Variants in PCDHGA2 observed in about 807,000 individuals in gnomAD.
PCDHGA2 encodes the protein protocadherin gamma subfamily A, 2, also known as protocadherin gamma-A2.
A neutral mutation model predicts 59.2 loss-of-function variants in PCDHGA2; 40 were observed. That is an observed-to-expected ratio of 0.68 (90% confidence interval 0.52 to 0.88). The LOEUF (loss-of-function observed/expected upper bound fraction) is 0.88. PCDHGA2 is among the 40% of genes least tolerant of loss of function. The pLI, the probability that PCDHGA2 is intolerant of heterozygous loss-of-function variation, is 0.00. For missense variants in PCDHGA2, 1,226 were observed against 1,204.0 expected (o/e 1.02, Z -0.27); for synonymous variants, 560 against 526.0 (o/e 1.06, Z -0.89).
At chr5:141,402,820 C>G (rs1351401631) in intron 1 of PCDHGA2, 2 of 1,288,046 alleles carry the variant, frequency 1.6e-6, no homozygotes, top group Admixed American at 5.9e-5. Flanking sequence ...CACAAACCTG[C>G]TCCCAGGCTG....
intron 1 of PCDHGA2, chr5:141,412,017 A>C (rs914087284): frequency 1.4e-5 from 2 of 146,532 alleles, no homozygotes; most frequent in African/African-American, 5.3e-5. Context: ...ACTTCTGAAC[A>C]TCCTGTTCTC....
rs1001089000 is a variant in PCDHGA2, at chr5:141,370,469, A to T, written c.2424+29074A>T. The T allele has an allele frequency of 4.3e-6, 7 of 1,613,198 alleles. No homozygotes were observed. The African/African-American group carries it at 9.3e-5, about 22-fold the overall frequency. Reference sequence around the variant, plus strand: ...TATTTCTCTTCCTGCTCTCTTTGTTAGACCAGGCTCTCTCCGAACCGATCC... The same window carrying T: ...TATTTCTCTTCCTGCTCTCTTTGTTTGACCAGGCTCTCTCCGAACCGATCC... On this transcript the variant is annotated intron_variant, in intron 1 of 3. Transcript: ENST00000394576.
chr5:141,361,937 A>C (rs1168023930), intron 1 of PCDHGA2: 1 of 1,605,822 alleles, frequency 6.2e-7, no homozygotes, highest in Admixed American at 1.7e-5. Flanking sequence ...TCAGGACACA[A>C]CGCTTGGCTG....
chr5:141,360,334 C>T (rs1424290202), intron 1 of PCDHGA2: 1 of 1,613,888 alleles, frequency 6.2e-7, no homozygotes, highest in Non-Finnish European at 8.5e-7. Context: ...CCGGAAGCTG[C>T]GGGTTAGCGC....
chr5:141,470,869 T>C (rs1215083835), intron 1 of PCDHGA2, among the ~76,000 whole-genome samples: 1 of 151,910 alleles, frequency 6.6e-6, no homozygotes, highest in African/African-American at 2.4e-5. Context: ...TTTGTTTGTT[T>C]GTTTTTTTGT....
At chr5:141,345,679 A>G in intron 1 of PCDHGA2, 2 of 1,614,068 alleles carry the variant, frequency 1.2e-6, no homozygotes, top group East Asian at 4.5e-5. Flanking sequence ...GTGTCGCTGA[A>G]CCTGTTCGTG....
intron 1 of PCDHGA2, among the ~76,000 whole-genome samples, chr5:141,447,631 A>G (rs59518107): frequency 0.11 from 16,809 of 152,214 alleles, 1,093 homozygotes; most frequent in African/African-American, 0.17. Flanking sequence ...AACCAACAGT[A>G]TGAATGATGG....
chr5:141,351,650 G>T, intron 1 of PCDHGA2: 1 of 1,613,996 alleles, frequency 6.2e-7, no homozygotes, highest in Non-Finnish European at 8.5e-7. Flanking sequence ...CAACCCACCT[G>T]GCGCCTCCAT....
chr5:141,510,510 G>A (rs1042950478), intron 3 of PCDHGA2, among the ~76,000 whole-genome samples: 5 of 152,132 alleles, frequency 3.3e-5, no homozygotes, highest in Non-Finnish European at 5.9e-5. Context: ...CTGAGAGCCC[G>A]TGTCACAGCC....
chr5:141,405,191 C>T (rs573277021), intron 1 of PCDHGA2: 28 of 1,612,832 alleles, frequency 1.7e-5, no homozygotes, highest in South Asian at 1.6e-4. Context: ...AGATGGGGTT[C>T]GAGCTTTCCT....
At chr5:141,370,684 G>A in intron 1 of PCDHGA2, 1 of 1,613,842 alleles carries the variant, frequency 6.2e-7, no homozygotes, top group Non-Finnish European at 8.5e-7. Context: ...GAGATTTGTG[G>A]CAAGAAGTCG....
intron 1 of PCDHGA2, chr5:141,403,617 G>A (rs369607013): frequency 1.8e-4 from 288 of 1,613,738 alleles, no homozygotes; most frequent in East Asian, 1.0e-3. Context: ...GAGCCGCGTC[G>A]CTCCAGCACA....
chr5:141,499,996 C>A (rs1246090346), intron 2 of PCDHGA2, among the ~76,000 whole-genome samples: 2 of 151,572 alleles, frequency 1.3e-5, no homozygotes, highest in Non-Finnish European at 2.9e-5. Flanking sequence ...CCAGATGATT[C>A]TTTCATAAGG....
chr5:141,436,383 G>A (rs1374382672), intron 1 of PCDHGA2, among the ~76,000 whole-genome samples: 1 of 152,104 alleles, frequency 6.6e-6, no homozygotes, highest in Admixed American at 6.5e-5. Flanking sequence ...AGCTGAATAG[G>A]CTTTATTAAA....
At chr5:141,363,277 T>G (rs1254714580) in intron 1 of PCDHGA2, among the ~76,000 whole-genome samples, 3 of 152,270 alleles carry the variant, frequency 2.0e-5, no homozygotes, top group African/African-American at 7.2e-5. Context: ...GCTTTTGAAT[T>G]TCCTAATTAT....
At chr5:141,386,290 A>T (rs2090519757) in intron 1 of PCDHGA2, among the ~76,000 whole-genome samples, 1 of 152,214 alleles carries the variant, frequency 6.6e-6, no homozygotes, top group African/African-American at 2.4e-5. Flanking sequence ...TTTGTATAAC[A>T]TTTTAGTAAA....
chr5:141,352,501 C>G (rs772755481), intron 1 of PCDHGA2: 10 of 1,614,010 alleles, frequency 6.2e-6, no homozygotes, highest in South Asian at 5.5e-5. Context: ...TGCCCTATTC[C>G]TACAATCTAT....
chr5:141,392,096 A>G (rs2092464422), intron 1 of PCDHGA2: 1 of 152,256 alleles, frequency 6.6e-6, no homozygotes, highest in Non-Finnish European at 1.5e-5. Context: ...AGAATAATTT[A>G]AAAGCAACAA....
At position 141,487,769 on chromosome 5, in the gene PCDHGA2, T is replaced by C. The variant is rs775270506; in HGVS notation, c.2425-7038T>C. Reference sequence around the variant, plus strand: ...TAACTATGTGGTAGACGCTGTGCTTTGTAACTGTTTCGTGAATTAACCAGA... The same window carrying C: ...TAACTATGTGGTAGACGCTGTGCTTCGTAACTGTTTCGTGAATTAACCAGA... On this transcript the variant is annotated intron_variant, in intron 1 of 3. Transcript: ENST00000394576. The surrounding 1 kb of genome is among the most constrained non-coding windows in gnomAD (Gnocchi z 5.0). 8 of 1,538,288 alleles carry C rather than the reference T, an allele frequency of 5.2e-6. No homozygotes were observed. The highest frequency in any genetic ancestry group is 1.2e-5 in the South Asian group (1 of 82,608).
Sources: allele counts gnomAD v4.1 joint callset (sites outside exome capture counted in the v4.1 genomes callset), GRCh38; gene constraint gnomAD v4.1.1; non-coding constraint Gnocchi (gnomAD v3.1); transcripts MANE v1.5; gene names NCBI Gene and HGNC (gene_info 2026-07-23, HGNC 2026-07-21).